The following TAF1L variants were observed in gnomAD, a reference collection of about 807,000 sequenced individuals.
TAF1L encodes TATA-box binding protein associated factor 1 like, also known as transcription initiation factor TFIID subunit 1-like.
A neutral mutation model predicts 128.8 loss-of-function variants in TAF1L; 30 were observed. That is an observed-to-expected ratio of 0.23 (90% CI 0.17 to 0.32). The LOEUF (loss-of-function observed/expected upper bound fraction) is 0.32. TAF1L is among the 10% of genes least tolerant of loss of function. The probability of loss-of-function intolerance (pLI) is 1.00; values close to 1 mark genes in which losing one functional copy is unlikely to be tolerated. For synonymous variants in TAF1L, 764 were observed against 790.7 expected (o/e 0.97, Z 0.57); for missense variants, 2,099 against 2,253.7 (o/e 0.93, Z 1.39).
Position 32,634,309 on chromosome 9 carries a change from A to G in TAF1L, c.1271T>C (p.Val424Ala). 1 of 1,614,170 alleles carries G rather than the reference A, an allele frequency of 6.2e-7. No homozygotes were observed. Among genetic ancestry groups the G allele is most frequent in the African/African-American group, 1.3e-5 (1 of 75,034 alleles). The change falls in exon 1 of 1, where the codon GTG (valine) becomes GCG (alanine). Residue 424 changes from valine to alanine, a missense_variant. Coordinates refer to ENST00000242310, the MANE Select transcript of TAF1L (RefSeq NM_153809.2). ...AGAATCCTCCCAATGCAGCTGTGTC[A>G]CCATCAGGAAGTTTTCGTCAGCCAG... ...DLLADENFLMVTQLHWEDSII... is the reference protein window; with the variant it reads ...DLLADENFLMATQLHWEDSII...
At position 32,634,969 on chromosome 9, in the gene TAF1L, C is replaced by A. The variant is rs200305735; in HGVS notation, c.611G>T (p.Ser204Ile). ...CATCTCAGATTCTGAATCAGAGTAA[C>A]TACTGAAATCCACTTTCTCTGAGGC... Reference protein sequence around the residue: ...FLASEKVDFSSYSDSESEMGP... With the variant: ...FLASEKVDFSIYSDSESEMGP... The change falls in exon 1 of 1, where the codon AGT becomes ATT. Residue 204 changes from serine (S) to isoleucine (I), a missense_variant. Around this residue, in one of 4 missense-constraint regions of TAF1L, gnomAD observed 473 missense variants for 429.6 expected, o/e 1.10. Coordinates refer to ENST00000242310, the MANE Select transcript of TAF1L (RefSeq NM_153809.2). 3.3e-5 allele frequency: 53 copies of A among 1,613,982 alleles called. No homozygotes were observed. Among genetic ancestry groups the A allele is most frequent in the Non-Finnish European group, 4.1e-5 (48 of 1,180,034 alleles).
Position 32,630,755 on chromosome 9 carries a change from T to C in TAF1L, c.4825A>G (p.Thr1609Ala), listed in dbSNP as rs1194372362. The change falls in exon 1 of 1, where the codon ACT (threonine) becomes GCT (alanine). Residue 1609 changes from threonine (T) to alanine (A), a missense_variant. Physicochemically the swap from Thr to Ala is moderately conservative, Grantham distance 58. Coordinates refer to ENST00000242310, the MANE Select transcript of TAF1L (RefSeq NM_153809.2). ...VKYNGPESQY[T>A]KTAQEIVNIC... ...TTCACAATCTCCTGAGCAGTCTTAG[T>C]GTACTGACTCTCAGGTCCATTATAC... is the stretch of plus-strand genomic sequence containing the variant. 1 of 1,614,246 alleles carries C rather than the reference T, an allele frequency of 6.2e-7. No individual in the cohort carries two copies. The highest frequency in any genetic ancestry group is 8.5e-7 in the Non-Finnish European group (1 of 1,180,044).
Position 32,631,603 on chromosome 9 carries a change from A to G in TAF1L, c.3977T>C (p.Val1326Ala). The G allele has an allele frequency of 6.2e-7, 1 of 1,614,138 alleles. No individual in the cohort carries two copies. Among genetic ancestry groups the G allele is most frequent in the Admixed American group, 1.7e-5 (1 of 60,016 alleles). ...AAGTTCTTCATTATCATTATGAATG[A>G]CTGTCTTTTCCAACTCCTCCTCCTG... is the stretch of plus-strand genomic sequence containing the variant. The part of the protein sequence containing the change: ...EEQEEELEKT[V>A]IHNDNEELIK... The change falls in exon 1 of 1, where the codon GTC becomes GCC. Residue 1326 changes from valine to alanine, a missense_variant. Val to Ala is a moderately conservative substitution (Grantham distance 64). Around this residue, in one of 4 missense-constraint regions of TAF1L, gnomAD observed 1,213 missense variants for 1,391.4 expected, o/e 0.87. Coordinates refer to ENST00000242310, the MANE Select transcript of TAF1L (RefSeq NM_153809.2). The surrounding 1 kb of genome is among the most constrained non-coding windows in gnomAD (Gnocchi z 4.1).
At position 32,629,993 on chromosome 9, in the gene TAF1L, G is replaced by A; in HGVS notation, c.*106C>T. On this transcript the variant is annotated 3_prime_UTR_variant, in exon 1 of 1. Coordinates refer to ENST00000242310, the MANE Select transcript of TAF1L (RefSeq NM_153809.2). ...TGCTGCTGAAGCTTGTGTCTTGGGTGTTCAACTTGGGATCAGGCTCCTCAC... is the reference window on the plus strand; with the variant it reads ...TGCTGCTGAAGCTTGTGTCTTGGGTATTCAACTTGGGATCAGGCTCCTCAC... 1 of 1,567,900 alleles carries A rather than the reference G, an allele frequency of 6.4e-7. No individual in the cohort carries two copies. The highest frequency in any genetic ancestry group is 8.6e-7 in the Non-Finnish European group (1 of 1,157,864).
rs772397950 is a variant in TAF1L at position 32,629,946 on chromosome 9, A to G, written c.*153T>C. 6.9e-5 allele frequency: 101 copies of G among 1,456,758 alleles called. No homozygotes were observed. Among genetic ancestry groups the G allele is most frequent in the Non-Finnish European group, 9.0e-5 (97 of 1,079,342 alleles). 90.2% of individuals were successfully genotyped at this position (1,456,758 alleles called of 1,614,324 possible). A position where few individuals can be genotyped will look rare whatever the true frequency, so the allele number is the denominator to read the frequency against. On this transcript the variant is annotated 3_prime_UTR_variant, in exon 1 of 1. Coordinates refer to ENST00000242310, the MANE Select transcript of TAF1L (RefSeq NM_153809.2). ...GCTGAGATTACAGGTGTGAGCCACC[A>G]TGCCCAGCTGGAAATTTCCGATGCT...
In TAF1L at chr9:32,631,616, A is replaced by ACTC; in HGVS notation, c.3961_3963dup (p.Glu1321dup). On this transcript the variant is annotated inframe_insertion, in exon 1 of 1. Transcript: ENST00000242310. This position sits in a 1 kb window ranked among gnomAD's most constrained non-coding sequence, Gnocchi z 4.1. ...TCATTATGAATGACTGTCTTTTCCA[A>ACTC]CTCCTCCTCCTGCTCTTCTGTCATG... The ACTC allele has an allele frequency of 6.2e-7, 1 of 1,613,616 alleles. No homozygotes were observed. Among genetic ancestry groups the ACTC allele is most frequent in the Non-Finnish European group, 8.5e-7 (1 of 1,179,908 alleles).
Position 32,630,446 on chromosome 9 carries a change from C to G in TAF1L, c.5134G>C (p.Gly1712Arg). The G allele has an allele frequency of 6.2e-7, 1 of 1,614,178 alleles. No individual in the cohort carries two copies. The highest frequency in any genetic ancestry group is 8.5e-7 in the Non-Finnish European group (1 of 1,180,028). ...ACATCCACATCAGAGTCTTCCTCAC[C>G]CAGCCTACCTTGGCCCTGGCACATC... ...KQMCQGQGRLGEEDSDVDVEG... is the reference protein window; with the variant it reads ...KQMCQGQGRLREEDSDVDVEG... The change falls in exon 1 of 1, where the codon GGT (glycine) becomes CGT (arginine). Residue 1712 changes from glycine (G) to arginine (R), a missense_variant. This residue lies in a region of TAF1L where 404 missense variants were observed against 406.5 expected (regional missense o/e 0.99). Coordinates refer to ENST00000242310, the MANE Select transcript of TAF1L (RefSeq NM_153809.2).
In TAF1L at chr9:32,630,379, G is replaced by C. The variant is rs760268151; in HGVS notation, c.5201C>G (p.Pro1734Arg). 10 of 1,614,192 alleles carry C rather than the reference G, an allele frequency of 6.2e-6. No homozygotes were observed. Among genetic ancestry groups the C allele is most frequent in the Non-Finnish European group, 8.5e-6 (10 of 1,180,034 alleles). ...ACCATCTCCCCCTTCTGGGGCTGGA[G>C]GCTTAGGTTTCCCATCCTCCTCCTC... ...DDEEEDGKPKPPAPEGGDGDL... is the reference protein window; with the variant it reads ...DDEEEDGKPKRPAPEGGDGDL... Residue 1734 changes from proline to arginine, a missense_variant, in exon 1 of 1, where the codon CCT (proline) becomes CGT (arginine). Pro to Arg is a moderately radical substitution (Grantham distance 103, BLOSUM62 -2). Around this residue, in one of 4 missense-constraint regions of TAF1L, gnomAD observed 404 missense variants for 406.5 expected, o/e 0.99. Transcript: ENST00000242310.
At position 32,631,254 on chromosome 9, in the gene TAF1L, C is replaced by T. The variant is rs748873014; in HGVS notation, c.4326G>A (p.Arg1442=). ...CACGGAGTGTTTGTAGGTCCATTGG[C>T]CGAGTGATGATTTTGTAGTAGTCCT... The part of the protein sequence containing the change: ...VVKDYYKIIT[R]PMDLQTLREN... The change falls in exon 1 of 1, where the codon CGG becomes CGA. Residue 1442 remains arginine, a synonymous_variant. Coordinates refer to ENST00000242310, the MANE Select transcript of TAF1L (RefSeq NM_153809.2). The surrounding 1 kb of genome is among the most constrained non-coding windows in gnomAD (Gnocchi z 4.1). The T allele has an allele frequency of 1.9e-6, 3 of 1,613,904 alleles. No individual in the cohort carries two copies. The highest frequency in any genetic ancestry group is 1.1e-5 in the South Asian group (1 of 91,068).
In TAF1L at chr9:32,633,877, C is replaced by A; in HGVS notation, c.1703G>T (p.Arg568Met). Reference sequence around the variant, plus strand: ...AGACATGTTCTGCTGTGGTTCCTCCCTGATGACACCTGTTTTGCCCAAGAG... The same window carrying A: ...AGACATGTTCTGCTGTGGTTCCTCCATGATGACACCTGTTTTGCCCAAGAG... ...RILLGKTGVIREEPQQNMSQP... is the reference protein window; with the variant it reads ...RILLGKTGVIMEEPQQNMSQP... The change falls in exon 1 of 1, where the codon AGG becomes ATG. Residue 568 changes from arginine (R) to methionine (M), a missense_variant. Around this residue, in one of 4 missense-constraint regions of TAF1L, gnomAD observed 1,213 missense variants for 1,391.4 expected, o/e 0.87. Coordinates refer to ENST00000242310, the MANE Select transcript of TAF1L (RefSeq NM_153809.2). The A allele has an allele frequency of 6.2e-7, 1 of 1,614,220 alleles. No individual in the cohort carries two copies. Among genetic ancestry groups the A allele is most frequent in the Non-Finnish European group, 8.5e-7 (1 of 1,180,038 alleles).
At position 32,633,221 on chromosome 9, in the gene TAF1L, T is replaced by C; in HGVS notation, c.2359A>G (p.Arg787Gly). 3 of 1,614,180 alleles carry C rather than the reference T, an allele frequency of 1.9e-6. No homozygotes were observed. The highest frequency in any genetic ancestry group is 1.1e-5 in the South Asian group (1 of 91,082). The stretch of plus-strand genomic sequence containing the variant: ...AATTCCCGAATATAGTAACCCTGTC[T>C]TGTCCGAATGATCAGAAAATCAGTT... Reference protein sequence around the residue: ...PETDFLIIRTRQGYYIRELVD... With the variant: ...PETDFLIIRTGQGYYIRELVD... Residue 787 changes from arginine (R) to glycine (G), a missense_variant, in exon 1 of 1, where the codon AGA becomes GGA. By Grantham distance (125) the Arg-to-Gly change is moderately radical. Transcript: ENST00000242310.
At position 32,630,542 on chromosome 9, in the gene TAF1L, C is replaced by G. The variant is rs1822503840; in HGVS notation, c.5038G>C (p.Asp1680His). 4 of 1,614,212 alleles carry G rather than the reference C, an allele frequency of 2.5e-6. No homozygotes were observed. The South Asian group carries it at 4.4e-5, about 18-fold the overall frequency. The stretch of plus-strand genomic sequence containing the variant: ...CTCTCATCTTGAAATACAGAGGCAT[C>G]TCGAGACGTACTGAGGGATGTGTTG... ...DTNTSLSTSRDASVFQDESNL... is the reference protein window; with the variant it reads ...DTNTSLSTSRHASVFQDESNL... The change falls in exon 1 of 1, where the codon GAT (aspartate) becomes CAT (histidine). Residue 1680 changes from aspartate (D) to histidine (H), a missense_variant. Physicochemically the swap from Asp to His is moderately conservative, Grantham distance 81 (BLOSUM62 -1). Around this residue, in one of 4 missense-constraint regions of TAF1L, gnomAD observed 404 missense variants for 406.5 expected, o/e 0.99. Transcript: ENST00000242310.
chr9:32,634,522 G>T lies in TAF1L; in HGVS notation c.1058C>A (p.Thr353Asn), dbSNP rs757871708. ...ACGCCACTCAGCCACTCTTGGTTTGGTATCTGTCACTTTATCTACATCTCC... is the reference window on the plus strand; with the variant it reads ...ACGCCACTCAGCCACTCTTGGTTTGTTATCTGTCACTTTATCTACATCTCC... ...STGDVDKVTD[T>N]KPRVAEWRYG... Residue 353 changes from threonine (T) to asparagine (N), a missense_variant, in exon 1 of 1, where the codon ACC becomes AAC. Thr to Asn is a moderately conservative substitution (Grantham distance 65). Around this residue, in one of 4 missense-constraint regions of TAF1L, gnomAD observed 1,213 missense variants for 1,391.4 expected, o/e 0.87. Coordinates refer to ENST00000242310, the MANE Select transcript of TAF1L (RefSeq NM_153809.2). 1 of 1,614,154 alleles carries T rather than the reference G, an allele frequency of 6.2e-7. No individual in the cohort carries two copies. The highest frequency in any genetic ancestry group is 1.1e-5 in the South Asian group (1 of 91,076).
At position 32,633,001 on chromosome 9, in the gene TAF1L, C is replaced by T; in HGVS notation, c.2579G>A (p.Ser860Asn). ...KKAFPSHSES[S>N]IRKRLKLCAD... Reference sequence around the variant, plus strand: ...GCAGAGCTTTAGCCTCTTCCGGATGCTGCTTTCTGAATGGGAAGGAAAGGC... The same window carrying T: ...GCAGAGCTTTAGCCTCTTCCGGATGTTGCTTTCTGAATGGGAAGGAAAGGC... Residue 860 changes from serine to asparagine, a missense_variant, in exon 1 of 1, where the codon AGC becomes AAC. By Grantham distance (46) the Ser-to-Asn change is conservative. Coordinates refer to ENST00000242310, the MANE Select transcript of TAF1L (RefSeq NM_153809.2). 2.5e-6 allele frequency: 4 copies of T among 1,614,196 alleles called. No individual in the cohort carries two copies. The East Asian group carries it at 6.7e-5, about 27-fold the overall frequency.
chr9:32,634,819 C>T lies in TAF1L; in HGVS notation c.761G>A (p.Arg254Gln), dbSNP rs774237636. 4.3e-6 allele frequency: 7 copies of T among 1,614,114 alleles called. No individual in the cohort carries two copies. The highest frequency in any genetic ancestry group is 5.9e-6 in the Non-Finnish European group (7 of 1,180,026). Residue 254 changes from arginine (R) to glutamine (Q), a missense_variant, in exon 1 of 1, where the codon CGA (arginine) becomes CAA (glutamine). Coordinates refer to ENST00000242310, the MANE Select transcript of TAF1L (RefSeq NM_153809.2). ...PSVTELFPEFRPGKVLRFLHL... is the reference protein window; with the variant it reads ...PSVTELFPEFQPGKVLRFLHL... ...TAGGAAGCGTAACACTTTTCCAGGTCGAAATTCTGGAAAAAGTTCGGTGAC... is the reference window on the plus strand; with the variant it reads ...TAGGAAGCGTAACACTTTTCCAGGTTGAAATTCTGGAAAAAGTTCGGTGAC...
rs1321949687 is a variant in TAF1L at position 32,635,514 on chromosome 9, G to A, written c.66C>T (p.Asp22=). The A allele has an allele frequency of 3.1e-6, 5 of 1,614,026 alleles. No individual in the cohort carries two copies. The highest frequency in any genetic ancestry group is 1.7e-5 in the Admixed American group (1 of 59,998). The change falls in exon 1 of 1, where the codon GAC becomes GAT. Residue 22 remains aspartate (D), a synonymous_variant. Transcript: ENST00000242310. ...CAGATGAATCTTCCTCGCTGTCCGA[G>A]TCTGACATGATGGCGGCAGTGACGG... ...AATVTAAIMS[D]SDSEEDSSGG...
Position 32,632,585 on chromosome 9 carries a change from C to T in TAF1L, c.2995G>A (p.Glu999Lys). The T allele has an allele frequency of 6.2e-7, 1 of 1,614,226 alleles. No homozygotes were observed. The highest frequency in any genetic ancestry group is 8.5e-7 in the Non-Finnish European group (1 of 1,180,044). ...ACTGTCTTCTTCACTGCCTGTGGCT[C>T]TTTATCATCCTTCTGCTGTGTTGGT... ...NKPTQQKDDK[E>K]PQAVKKTVTG... Residue 999 changes from glutamate (E) to lysine (K), a missense_variant, in exon 1 of 1, where the codon GAG (glutamate) becomes AAG (lysine). Glu to Lys is a moderately conservative substitution (Grantham distance 56, BLOSUM62 1). Around this residue, in one of 4 missense-constraint regions of TAF1L, gnomAD observed 1,213 missense variants for 1,391.4 expected, o/e 0.87. Transcript: ENST00000242310. This position sits in a 1 kb window ranked among gnomAD's most constrained non-coding sequence, Gnocchi z 4.4.
chr9:32,633,162 G>A lies in TAF1L; in HGVS notation c.2418C>T (p.Pro806=), dbSNP rs1190928723. 1 of 1,614,144 alleles carries A rather than the reference G, an allele frequency of 6.2e-7. No individual in the cohort carries two copies. Among genetic ancestry groups the A allele is most frequent in the Admixed American group, 1.7e-5 (1 of 60,012 alleles). The change falls in exon 1 of 1, where the codon CCC becomes CCT. Residue 806 remains proline (P), a synonymous_variant. Transcript: ENST00000242310. ...VDIFVVGQQC[P]LFEVPGPNSR... is the part of the protein sequence containing the mutation. ...AGTTAGGCCCAGGAACTTCAAACAA[G>A]GGACACTGCTGGCCAACCACAAAAA...
rs1464000116 is a variant in TAF1L, at chr9:32,633,116, T to A, written c.2464A>T (p.Ile822Phe). 1 of 1,614,090 alleles carries A rather than the reference T, an allele frequency of 6.2e-7. No homozygotes were observed. The highest frequency in any genetic ancestry group is 1.3e-5 in the African/African-American group (1 of 74,940). Residue 822 changes from isoleucine (I) to phenylalanine (F), a missense_variant, in exon 1 of 1, where the codon ATT (isoleucine) becomes TTT (phenylalanine). By Grantham distance (21) the Ile-to-Phe change is conservative. Transcript: ENST00000242310. ...ATAAAAACCTGTAGAAAGTCTCGAA[T>A]ATGCATATTGGCCCTTCTGGAGTTA... ...GPNSRRANMH[I>F]RDFLQVFIYR...
Sources: gnomAD v4.1 joint callset for allele counts on GRCh38, gnomAD v4.1.1 for gene constraint, gnomAD v4.1.1 regional missense constraint, Gnocchi (gnomAD v3.1) non-coding constraint, MANE v1.5 for transcripts, NCBI Gene and HGNC (gene_info 2026-07-23, HGNC 2026-07-21) for gene names.